The following LINGO2 variants were observed in gnomAD, a reference collection of about 807,000 sequenced individuals.
LINGO2 encodes the protein leucine-rich repeat and immunoglobulin-like domain-containing nogo receptor-interacting protein 2.
Under a neutral mutation model 30.6 loss-of-function variants are expected in LINGO2, and 14 were observed. The ratio of observed to expected loss-of-function variants is 0.46; its 90% CI spans 0.30 to 0.72. The LOEUF is 0.72. Among genes scored for constraint, LINGO2 ranks in the 30% least tolerant of loss-of-function variants. LINGO2 has a pLI of 0.07. For missense variants in LINGO2, 729 were observed against 751.7 expected, an observed-to-expected ratio of 0.97 and a Z score of 0.35; for synonymous variants, 317 against 288.5, an observed-to-expected ratio of 1.10 and a Z score of -1.00.
intron 4 of LINGO2, among the ~76,000 whole-genome samples, chr9:28,119,026 G>A (rs527656595): frequency 6.2e-5 from 9 of 145,934 alleles, no homozygotes; most frequent in South Asian, 2.3e-4. Context: ...TATAATTTTC[G>A]TTAAAACATT....
At chr9:29,189,061 AC>A in the LINGO2 span, among the ~76,000 whole-genome samples, 25 of 70,746 alleles carry the variant, frequency 3.5e-4, no homozygotes, top group South Asian at 1.5e-3. Flanking sequence ...CGGGGGGCTG[AC>A]CCCCCCCACC....
the LINGO2 span, among the ~76,000 whole-genome samples, chr9:28,924,726 T>C: frequency 9.9e-5 from 15 of 152,254 alleles, no homozygotes; most frequent in Non-Finnish European, 1.8e-4. Flanking sequence ...AGCTTTGCTG[T>C]ACATAAATGT....
At chr9:29,175,198 G>T in the LINGO2 span, among the ~76,000 whole-genome samples, 2 of 152,164 alleles carry the variant, frequency 1.3e-5, no homozygotes, top group East Asian at 3.9e-4. Flanking sequence ...GGTGGAGGTT[G>T]CAGTGAGCCA....
chr9:28,176,773 C>T (rs980985490), intron 4 of LINGO2, among the ~76,000 whole-genome samples: 3 of 152,154 alleles, frequency 2.0e-5, no homozygotes, highest in Non-Finnish European at 4.4e-5. Context: ...TTGATATAGA[C>T]AATTGCCCTC....
rs143233994 is a variant in LINGO2 at position 28,085,647 on chromosome 9, A to G, written c.-86-73242T>C. On this transcript the variant is annotated intron_variant, in intron 4 of 5. Coordinates refer to ENST00000379992, the Ensembl canonical transcript of LINGO2. ...AAAAGCTAAGGCAGAATATCCCTAT[A>G]ATATAGAAATATTCCAGCGATCCCA... Among the ~76,000 whole-genome samples the G allele has an allele frequency of 2.2e-4, 33 of 152,212 alleles. No homozygotes were observed. The East Asian group carries it at 6.2e-3, about 29-fold the overall frequency.
intron 2 of LINGO2, among the ~76,000 whole-genome samples, chr9:28,432,872 AT>A (rs1288142848): frequency 6.6e-6 from 1 of 152,148 alleles, no homozygotes; most frequent in Non-Finnish European, 1.5e-5. Flanking sequence ...ATTATCAGCC[AT>A]ATATACTGAA....
chr9:29,018,859 A>C, the LINGO2 span, among the ~76,000 whole-genome samples: 1 of 152,188 alleles, frequency 6.6e-6, no homozygotes, highest in East Asian at 1.9e-4. Flanking sequence ...AGTCAACGGA[A>C]AACTCAAGAA....
Position 28,278,614 on chromosome 9 carries a change from T to A in LINGO2, c.-87+16594A>T, listed in dbSNP as rs186060769. 6.8e-4 allele frequency among the ~76,000 whole-genome samples: 103 copies of A among 152,314 alleles called. 2 individuals carry two copies. Among genetic ancestry groups the A allele is most frequent in the Non-Finnish European group, 5.0e-4 (34 of 68,022 alleles). On this transcript the variant is annotated intron_variant, in intron 4 of 5. Coordinates refer to ENST00000379992, the Ensembl canonical transcript of LINGO2. ...TCTATTTACATCATGGTTTACAGAC[T>A]ATTTTAAGCCCATTGTTGAGACCTA...
At chr9:28,859,754 A>G in the LINGO2 span, among the ~76,000 whole-genome samples, 2 of 152,028 alleles carry the variant, frequency 1.3e-5, no homozygotes, top group Non-Finnish European at 2.9e-5. Flanking sequence ...AAAAATTATA[A>G]TATTCAAATT....
intron 4 of LINGO2, among the ~76,000 whole-genome samples, chr9:28,149,613 C>A (rs566574343): frequency 2.7e-5 from 4 of 150,192 alleles, no homozygotes; most frequent in African/African-American, 7.4e-5. Context: ...GTGAGGAGTG[C>A]CTGTGCCCGG....
the LINGO2 span, among the ~76,000 whole-genome samples, chr9:28,893,036 A>T: frequency 1.3e-5 from 2 of 152,054 alleles, no homozygotes; most frequent in African/African-American, 4.8e-5. Flanking sequence ...TTAAAAATTT[A>T]TACATGCTTG....
the LINGO2 span, among the ~76,000 whole-genome samples, chr9:29,148,659 A>G: frequency 6.6e-6 from 1 of 152,206 alleles, no homozygotes; most frequent in Non-Finnish European, 1.5e-5. Flanking sequence ...GGAGCATAGA[A>G]ACATATTTAA....
At chr9:28,389,895 T>C (rs1564169494) in intron 2 of LINGO2, among the ~76,000 whole-genome samples, 1 of 152,228 alleles carries the variant, frequency 6.6e-6, no homozygotes, top group Non-Finnish European at 1.5e-5. Flanking sequence ...CTGATATGTT[T>C]CTAATATGAG....
intron 5 of LINGO2, among the ~76,000 whole-genome samples, chr9:27,998,506 C>T (rs569935730): frequency 7.9e-5 from 12 of 152,162 alleles, no homozygotes; most frequent in African/African-American, 2.4e-4. Context: ...AGGCCTGGCA[C>T]GGTGGCTCAT....
At chr9:29,017,506 G>A in the LINGO2 span, among the ~76,000 whole-genome samples, 1 of 152,088 alleles carries the variant, frequency 6.6e-6, no homozygotes, top group Non-Finnish European at 1.5e-5. Flanking sequence ...ATAATAATGG[G>A]AGGGCAGTCA....
the LINGO2 span, among the ~76,000 whole-genome samples, chr9:28,830,537 G>A: frequency 2.0e-5 from 3 of 152,150 alleles, no homozygotes; most frequent in Admixed American, 6.5e-5. Flanking sequence ...GGACAGATAT[G>A]AAGATTAAAA....
At chr9:28,421,900 T>C (rs1321057443) in intron 2 of LINGO2, among the ~76,000 whole-genome samples, 1 of 151,920 alleles carries the variant, frequency 6.6e-6, no homozygotes, top group African/African-American at 2.4e-5. Context: ...GACAAGACCA[T>C]TCAATGGGAA....
At chr9:28,832,519 G>A in the LINGO2 span, among the ~76,000 whole-genome samples, 1 of 152,066 alleles carries the variant, frequency 6.6e-6, no homozygotes, top group African/African-American at 2.4e-5. Context: ...CAGAACCACA[G>A]AACTTCTCTG....
intron 4 of LINGO2, among the ~76,000 whole-genome samples, chr9:28,083,121 G>A (rs1825818518): frequency 6.6e-6 from 1 of 152,148 alleles, no homozygotes; most frequent in Non-Finnish European, 1.5e-5. Flanking sequence ...ATTATATGCT[G>A]AGACTCACAT....
Sources: gnomAD v4.1 joint callset for allele counts (sites outside exome capture counted in the v4.1 genomes callset) on GRCh38, gnomAD v4.1.1 for gene constraint, MANE v1.5 for transcripts, NCBI Gene and HGNC (gene_info 2026-07-23, HGNC 2026-07-21) for gene names.